Variants in VGLL4 observed in about 807,000 individuals in gnomAD.
VGLL4 encodes the protein vestigial like family member 4.
In VGLL4, 7 loss-of-function variants were observed where a neutral mutation model predicts 21.0. The ratio of observed to expected loss-of-function variants is 0.33; its 90% CI spans 0.19 to 0.63. The LOEUF (loss-of-function observed/expected upper bound fraction) is 0.63, where lower values mean the gene tolerates loss of function less well. VGLL4 is among the 20% of genes least tolerant of loss of function. The pLI is 0.78. For missense variants in VGLL4, 394 were observed against 425.7 expected (o/e 0.93, Z 0.66); for synonymous variants, 222 against 173.2 (o/e 1.28, Z -2.21).
chr3:11,621,018 C>T (rs1241326935), intron 1 of VGLL4, among the ~76,000 whole-genome samples: 1 of 152,076 alleles, frequency 6.6e-6, no homozygotes, highest in African/African-American at 2.4e-5. Flanking sequence ...TCTGAATGAC[C>T]GATAGGTGCC....
chr3:11,587,338 C>T (rs556750302), intron 2 of VGLL4, among the ~76,000 whole-genome samples: 1 of 152,328 alleles, frequency 6.6e-6, no homozygotes, highest in South Asian at 2.1e-4. Context: ...CCCTACCAAG[C>T]GTAGCCATGG....
chr3:11,601,795 G>C, intron 2 of VGLL4, 38 bp downstream of exon 2: 2 of 1,609,420 alleles, frequency 1.2e-6, no homozygotes, highest in Non-Finnish European at 1.7e-6. Flanking sequence ...CCCCAGCACG[G>C]AGCACCCTTA....
intron 2 of VGLL4, among the ~76,000 whole-genome samples, chr3:11,583,037 C>A (rs1030236800): frequency 7.9e-5 from 12 of 152,152 alleles, no homozygotes; most frequent in Admixed American, 6.5e-5. Context: ...ATGTCTTAGC[C>A]ATACGCCAGC....
intron 1 of VGLL4, among the ~76,000 whole-genome samples, chr3:11,709,435 T>TAA (rs58100629): frequency 0.048 from 5,208 of 107,600 alleles, 270 homozygotes; most frequent in East Asian, 0.23. Flanking sequence ...AGACTCCGTC[T>TAA]AAAAAAAAAA....
Position 11,568,688 on chromosome 3 carries a change from C to G in VGLL4, c.273-3669G>C, listed in dbSNP as rs754257320. The G allele has an allele frequency of 1.3e-6, 2 of 1,551,882 alleles. No homozygotes were observed. Among genetic ancestry groups the G allele is most frequent in the East Asian group, 2.4e-5 (1 of 41,066 alleles). On this transcript the variant is annotated intron_variant, in intron 2 of 4. Transcript: ENST00000430365. This position sits in a 1 kb window ranked among gnomAD's most constrained non-coding sequence, Gnocchi z 5.9. The stretch of plus-strand genomic sequence containing the variant: ...CCGCTCGCCCGGATGAATCACCTCC[C>G]GGCCACTGCTTCCCAGGCGTCATGT...
chr3:11,580,466 G>A (rs1196761621), intron 2 of VGLL4, among the ~76,000 whole-genome samples: 5 of 152,204 alleles, frequency 3.3e-5, no homozygotes, highest in African/African-American at 1.2e-4. Flanking sequence ...GGGTGTGCAA[G>A]TATCCGTTCA....
At chr3:11,631,751 C>T (rs2075482992) in intron 1 of VGLL4, among the ~76,000 whole-genome samples, 2 of 152,044 alleles carry the variant, frequency 1.3e-5, no homozygotes, top group Admixed American at 1.3e-4. Flanking sequence ...CAAAGCTATA[C>T]CCTTAGGAGT....
At chr3:11,698,010 A>G (rs2076628408) in intron 2 of VGLL4, among the ~76,000 whole-genome samples, 1 of 152,256 alleles carries the variant, frequency 6.6e-6, no homozygotes, top group Non-Finnish European at 1.5e-5. Context: ...GTTTTAATTT[A>G]AAGTTATTTT....
In VGLL4 at chr3:11,558,380, G is replaced by T; in HGVS notation, c.*176C>A. On this transcript the variant is annotated 3_prime_UTR_variant, in exon 5 of 5. Coordinates refer to ENST00000430365, the MANE Select transcript of VGLL4 (RefSeq NM_001128219.3). Reference sequence around the variant, plus strand: ...ATCATGTTTGAGGGCCCCCTTGTACGGATACCAAGCAAGTACAAAAACAGA... The same window carrying T: ...ATCATGTTTGAGGGCCCCCTTGTACTGATACCAAGCAAGTACAAAAACAGA... 1.9e-6 allele frequency: 2 copies of T among 1,069,028 alleles called. No individual in the cohort carries two copies. The highest frequency in any genetic ancestry group is 2.6e-6 in the Non-Finnish European group (2 of 765,780). The allele number at this position is 1,069,028 out of a possible 1,614,324, so 66.2% of individuals were successfully genotyped here.
At chr3:11,567,832 A>C (rs2073606469) in intron 2 of VGLL4, among the ~76,000 whole-genome samples, 1 of 152,230 alleles carries the variant, frequency 6.6e-6, no homozygotes, top group African/African-American at 2.4e-5. Context: ...AGATAAAGAT[A>C]CAATTTTATT....
At chr3:11,717,490 ATTTTTTTT>A (rs60921966) in intron 1 of VGLL4, among the ~76,000 whole-genome samples, 6 of 72,940 alleles carry the variant, frequency 8.2e-5, no homozygotes, top group Admixed American at 2.0e-4. Context: ...CCCACTACAG[ATTTTTTTT>A]TTTTTTTTTT....
chr3:11,617,829 C>T (rs2125295654), intron 1 of VGLL4, among the ~76,000 whole-genome samples: 1 of 152,322 alleles, frequency 6.6e-6, no homozygotes, highest in East Asian at 1.9e-4. Context: ...ACAGGTTGAT[C>T]TAACAAAGTC....
intron 4 of VGLL4, 139 bp from the exon 5 acceptor site, chr3:11,558,966 TC>T: frequency 9.5e-7 from 1 of 1,052,318 alleles, no homozygotes. Flanking sequence ...AGAACCCACC[TC>T]CCCCGGCTAA....
chr3:11,674,011 C>CAAAAAAAAAA (rs11293628), intron 2 of VGLL4, among the ~76,000 whole-genome samples: 1 of 56,878 alleles, frequency 1.8e-5, no homozygotes, highest in Admixed American at 2.7e-4. Context: ...GACTTTGTCT[C>CAAAAAAAAAA]AAAAAAAAAA....
chr3:11,633,675 AC>A (rs1256943684), intron 1 of VGLL4: 1 of 152,308 alleles, frequency 6.6e-6, no homozygotes, highest in Non-Finnish European at 1.5e-5. Context: ...TCTCAAAAAA[AC>A]AAAAAAAAGA....
intron 2 of VGLL4, among the ~76,000 whole-genome samples, chr3:11,687,759 G>T (rs1274192727): frequency 1.3e-5 from 2 of 152,074 alleles, no homozygotes; most frequent in Non-Finnish European, 2.9e-5. Context: ...CGATTTTCTG[G>T]TAGGCTATTA....
At chr3:11,566,170 ACAATGTTACG>A (rs1444095246) in intron 2 of VGLL4, among the ~76,000 whole-genome samples, 8 of 152,306 alleles carry the variant, frequency 5.3e-5, no homozygotes, top group Non-Finnish European at 1.0e-4. Flanking sequence ...TGTTACACAC[ACAATGTTACG>A]CATGCACACA....
At chr3:11,689,771 C>T (rs757757326) in intron 2 of VGLL4, among the ~76,000 whole-genome samples, 2 of 152,132 alleles carry the variant, frequency 1.3e-5, no homozygotes, top group Admixed American at 6.5e-5. Flanking sequence ...CTGCAGGCTC[C>T]GTGTAAGAGG....
intron 2 of VGLL4, among the ~76,000 whole-genome samples, chr3:11,573,329 AAGAAAGAAAGAAAGAAAGAAAGAAAG>A (rs2073917073): frequency 1.8e-5 from 1 of 54,734 alleles, no homozygotes; most frequent in African/African-American, 6.8e-5. Context: ...GAAAGAAAGA[AAGAAAGAAAGAAAGAAAGAAAGAAAG>A]AAAGAAAGAA....
Sources: allele counts gnomAD v4.1 joint callset (sites outside exome capture counted in the v4.1 genomes callset), GRCh38; gene constraint gnomAD v4.1.1; non-coding constraint Gnocchi (gnomAD v3.1); transcripts MANE v1.5; gene names NCBI Gene and HGNC (gene_info 2026-07-23, HGNC 2026-07-21).